Variants in MAGI2 observed in about 807,000 individuals in gnomAD.
The protein encoded by MAGI2 is membrane-associated guanylate kinase, WW and PDZ domain-containing protein 2.
In MAGI2, 35 loss-of-function variants were observed where a neutral mutation model predicts 133.3. That is an observed-to-expected ratio of 0.26 (90% CI 0.20 to 0.35). MAGI2 has a LOEUF of 0.35. MAGI2 is among the 10% of genes least tolerant of loss of function. The probability of loss-of-function intolerance (pLI) is 1.00; values close to 1 mark genes in which losing one functional copy is unlikely to be tolerated. For synonymous variants in MAGI2, 729 were observed against 710.6 expected, an observed-to-expected ratio of 1.03 and a Z score of -0.41; for missense variants, 1,636 against 1,863.4, an observed-to-expected ratio of 0.88 and a Z score of 2.25.
chr7:78,487,564 C>T (rs746665337), intron 6 of MAGI2, among the ~76,000 whole-genome samples: 1 of 152,064 alleles, frequency 6.6e-6, no homozygotes, highest in Non-Finnish European at 1.5e-5. Flanking sequence ...ATCTTTATCA[C>T]CTGGCCCTTT....
At chr7:78,893,627 A>C (rs1168505773) in intron 2 of MAGI2, among the ~76,000 whole-genome samples, 1 of 152,124 alleles carries the variant, frequency 6.6e-6, no homozygotes, top group Non-Finnish European at 1.5e-5. Flanking sequence ...AACTATCACA[A>C]GGACAAAAAA....
At chr7:78,946,897 A>C (rs1801460332) in intron 2 of MAGI2, 1 of 152,180 alleles carries the variant, frequency 6.6e-6, no homozygotes, top group Non-Finnish European at 1.5e-5. Context: ...GTGGGATTCT[A>C]AAAATCCATC....
chr7:78,845,108 T>C (rs1237443244), intron 2 of MAGI2, among the ~76,000 whole-genome samples: 2 of 151,906 alleles, frequency 1.3e-5, no homozygotes, highest in African/African-American at 4.8e-5. Flanking sequence ...AACTTGAGGT[T>C]TTAACCACAA....
intron 10 of MAGI2, among the ~76,000 whole-genome samples, chr7:78,208,313 T>G (rs1787332149): frequency 6.6e-6 from 1 of 152,138 alleles, no homozygotes; most frequent in African/African-American, 2.4e-5. Flanking sequence ...TCCAACCATT[T>G]CAAGTAATCC....
rs565599456 is a variant in MAGI2, at chr7:78,052,108, C to T, written c.3706+26839G>A. Among the ~76,000 whole-genome samples, 4 of 152,140 alleles carry T rather than the reference C, an allele frequency of 2.6e-5. No individual in the cohort carries two copies. The South Asian group carries it at 8.3e-4, about 32-fold the overall frequency. Reference sequence around the variant, plus strand: ...CTGGTCTTGAATTCCGGAGCTTCAGCGATCCACTCACCCTGGCCTCCCAAG... The same window carrying T: ...CTGGTCTTGAATTCCGGAGCTTCAGTGATCCACTCACCCTGGCCTCCCAAG... On this transcript the variant is annotated intron_variant, in intron 21 of 21. Coordinates refer to ENST00000354212, the MANE Select transcript of MAGI2 (RefSeq NM_012301.4).
intron 1 of MAGI2, among the ~76,000 whole-genome samples, chr7:79,271,862 G>T (rs1834904247): frequency 6.6e-6 from 1 of 151,924 alleles, no homozygotes; most frequent in Non-Finnish European, 1.5e-5. Flanking sequence ...ACTGATGGCT[G>T]CCCCCTCACA....
chr7:78,533,567 G>A (rs986957553), intron 3 of MAGI2, among the ~76,000 whole-genome samples: 51 of 152,152 alleles, frequency 3.4e-4, no homozygotes, highest in East Asian at 1.9e-4. Flanking sequence ...GTACTAGAGC[G>A]GCACTATCCA....
chr7:79,379,216 G>A (rs527938951), intron 1 of MAGI2, among the ~76,000 whole-genome samples: 4 of 150,668 alleles, frequency 2.7e-5, no homozygotes, highest in Admixed American at 6.6e-5. Context: ...GTGGTGTTTG[G>A]TTTTTTGTCC....
intron 3 of MAGI2, among the ~76,000 whole-genome samples, chr7:78,565,427 T>A (rs779711605): frequency 6.6e-6 from 1 of 151,506 alleles, no homozygotes; most frequent in Non-Finnish European, 1.5e-5. Context: ...ATTACACTAT[T>A]GCACTCATGG....
At chr7:78,243,104 T>C (rs1266371851) in intron 10 of MAGI2, among the ~76,000 whole-genome samples, 1 of 152,002 alleles carries the variant, frequency 6.6e-6, no homozygotes, top group Non-Finnish European at 1.5e-5. Flanking sequence ...GTATCTTTTA[T>C]AGCATTACCT....
intron 1 of MAGI2, among the ~76,000 whole-genome samples, chr7:79,122,082 C>A (rs557535214): frequency 1.3e-5 from 2 of 152,242 alleles, no homozygotes; most frequent in African/African-American, 4.8e-5. Context: ...ATCGTTATTG[C>A]TTTTCATCTT....
intron 1 of MAGI2, among the ~76,000 whole-genome samples, chr7:79,336,770 C>G (rs1358074312): frequency 6.6e-6 from 1 of 152,000 alleles, no homozygotes; most frequent in Non-Finnish European, 1.5e-5. Context: ...CATGTTTTGG[C>G]AAATGGCAGG....
intron 2 of MAGI2, among the ~76,000 whole-genome samples, chr7:78,727,827 G>C (rs759902831): frequency 6.6e-6 from 1 of 152,126 alleles, no homozygotes; most frequent in Non-Finnish European, 1.5e-5. Context: ...TTATCAAGAG[G>C]CATATATGGA....
intron 9 of MAGI2, among the ~76,000 whole-genome samples, chr7:78,258,304 T>A (rs1304053530): frequency 6.6e-6 from 1 of 152,204 alleles, no homozygotes; most frequent in African/African-American, 2.4e-5. Flanking sequence ...TTTAATTGAT[T>A]CCATTCATCT....
chr7:78,911,500 T>C (rs1234908868), intron 2 of MAGI2, among the ~76,000 whole-genome samples: 1 of 152,170 alleles, frequency 6.6e-6, no homozygotes, highest in Admixed American at 6.5e-5. Flanking sequence ...AGATGCCATC[T>C]ATGAGTCTGG....
intron 2 of MAGI2, among the ~76,000 whole-genome samples, chr7:78,750,079 T>C (rs939437016): frequency 6.6e-6 from 1 of 152,094 alleles, no homozygotes; most frequent in African/African-American, 2.4e-5. Context: ...CCCCTCCCCA[T>C]CTCCATGTGT....
In MAGI2 at chr7:78,295,446, T is replaced by TAA. The variant is rs150569067; in HGVS notation, c.1409-38867_1409-38866dup. ...GGAAAGATAGCCTCATAACCTCTAT[T>TAA]AAGTTTAAAAGAATCTCTCACATGA... On this transcript the variant is annotated intron_variant, in intron 9 of 21. Transcript: ENST00000354212. Among the ~76,000 whole-genome samples the TAA allele has an allele frequency of 3.8e-3, 582 of 152,286 alleles. 4 individuals carry two copies. Among genetic ancestry groups the TAA allele is most frequent in the African/African-American group, 0.013 (548 of 41,562 alleles).
At chr7:78,312,461 A>AT (rs1360900925) in intron 9 of MAGI2, among the ~76,000 whole-genome samples, 1 of 152,132 alleles carries the variant, frequency 6.6e-6, no homozygotes, top group African/African-American at 2.4e-5. Flanking sequence ...GAATGGGATA[A>AT]TTTGCAAACT....
intron 6 of MAGI2, among the ~76,000 whole-genome samples, chr7:78,401,211 G>A (rs924377095): frequency 6.6e-6 from 1 of 151,984 alleles, no homozygotes; most frequent in Non-Finnish European, 1.5e-5. Flanking sequence ...AGTACTTTTC[G>A]GGATGGATCT....
Sources: allele counts gnomAD v4.1 joint callset (sites outside exome capture counted in the v4.1 genomes callset), GRCh38; gene constraint gnomAD v4.1.1; transcripts MANE v1.5; gene names NCBI Gene and HGNC (gene_info 2026-07-23, HGNC 2026-07-21).